Variants in EMC2 observed in about 807,000 individuals in gnomAD.
The protein encoded by EMC2 is TPR repeat protein 35.
A neutral mutation model predicts 51.6 loss-of-function variants in EMC2; 37 were observed. The ratio of observed to expected loss-of-function variants is 0.72; its 90% CI spans 0.55 to 0.94. EMC2 has a LOEUF of 0.94. Ranked by LOEUF, EMC2 falls within the 40% of genes least tolerant of loss-of-function variation. The pLI, the probability that EMC2 is intolerant of heterozygous loss-of-function variation, is 0.00. For synonymous variants in EMC2, 131 were observed against 112.4 expected (o/e 1.17, Z -1.04); for missense variants, 359 against 350.9 (o/e 1.02, Z -0.18).
chr8:108,469,729 C>T, intron 5 of EMC2, 97 bp from the exon 6 acceptor site: 1 of 967,480 alleles, frequency 1.0e-6, no homozygotes, highest in Admixed American at 2.0e-5. Context: ...TGGAATTTCT[C>T]TGGCATTGAG....
chr8:108,463,818 C>T (rs1163478093), intron 5 of EMC2, among the ~76,000 whole-genome samples: 1 of 151,844 alleles, frequency 6.6e-6, no homozygotes, highest in East Asian at 1.9e-4. Context: ...AAAAGTCTGA[C>T]CAGCTAAATC....
intron 10 of EMC2, among the ~76,000 whole-genome samples, chr8:108,482,171 C>G (rs1190104268): frequency 6.6e-6 from 1 of 152,128 alleles, no homozygotes; most frequent in Non-Finnish European, 1.5e-5. Context: ...TTCTGTCAGT[C>G]TTTGTAATTA....
chr8:108,452,681 A>T (rs189283366), intron 3 of EMC2, among the ~76,000 whole-genome samples: 17 of 152,352 alleles, frequency 1.1e-4, no homozygotes, highest in Admixed American at 9.1e-4. Context: ...CTTAGTTCTT[A>T]CCAGGAGAAT....
In EMC2 at chr8:108,487,532, TAGA is replaced by T. The variant is rs1811165182; in HGVS notation, c.*938_*940del. ...CAGTATTTGACATGTTTCAACAAAA[TAGA>T]AGAGACTTGAAAGTTAAATTTCATT... On this transcript the variant is annotated 3_prime_UTR_variant, in exon 11 of 11. Transcript: ENST00000220853. Among the ~76,000 whole-genome samples the T allele has an allele frequency of 6.6e-6, 1 of 152,012 alleles. No individual in the cohort carries two copies. Among genetic ancestry groups the T allele is most frequent in the Admixed American group, 6.6e-5 (1 of 15,256 alleles).
chr8:108,448,391 A>T (rs1335561054), intron 1 of EMC2, among the ~76,000 whole-genome samples: 1 of 152,024 alleles, frequency 6.6e-6, no homozygotes, highest in Non-Finnish European at 1.5e-5. Context: ...CCCCACCCAA[A>T]TCTCATCTTG....
rs555367197 is a variant in EMC2, at chr8:108,468,700, A to G, written c.364-1126A>G. ...TTCTGTCTGCATCTTGTGGAATATT[A>G]TATCAACAATAAGAAATTTTATTCA... On this transcript the variant is annotated intron_variant, in intron 5 of 10. Transcript: ENST00000220853. 5.3e-5 allele frequency among the ~76,000 whole-genome samples: 8 copies of G among 152,328 alleles called. No homozygotes were observed. The South Asian group carries it at 1.2e-3, about 24-fold the overall frequency.
intron 7 of EMC2, among the ~76,000 whole-genome samples, chr8:108,472,208 T>C (rs1458224376): frequency 1.3e-5 from 2 of 151,994 alleles, no homozygotes. Flanking sequence ...GCAATTTTAT[T>C]TTTTTGCATG....
Position 108,475,864 on chromosome 8 carries a change from C to T in EMC2, c.510-18C>T. ...TTGTGACTTTAAAAATTAATTTCTC[C>T]TCTTGATGTGTTTTTAGCTATGCAA... On this transcript the variant is annotated intron_variant, in intron 7 of 10. Transcript: ENST00000220853. The T allele has an allele frequency of 6.9e-7, 1 of 1,458,664 alleles. No individual in the cohort carries two copies. Among genetic ancestry groups the T allele is most frequent in the Non-Finnish European group, 9.4e-7 (1 of 1,060,646 alleles). The allele number at this position is 1,458,664 out of a possible 1,614,324, so 90.4% of individuals were successfully genotyped here.
In EMC2 at chr8:108,488,739, T is replaced by C. The variant is rs1337803406; in HGVS notation, c.*2141T>C. ...TTGATCTGAAACAGAAGTGGTAGTT[T>C]AATTCTGTATAGTCTGATTAGTACG... On this transcript the variant is annotated 3_prime_UTR_variant, in exon 11 of 11. Coordinates refer to ENST00000220853, the MANE Select transcript of EMC2 (RefSeq NM_014673.5). Among the ~76,000 whole-genome samples, 1 of 152,180 alleles carries C rather than the reference T, an allele frequency of 6.6e-6. No homozygotes were observed. The highest frequency in any genetic ancestry group is 1.9e-4 in the East Asian group (1 of 5,188).
intron 10 of EMC2, among the ~76,000 whole-genome samples, chr8:108,481,438 T>G (rs1291618079): frequency 1.3e-5 from 2 of 151,652 alleles, no homozygotes; most frequent in South Asian, 2.1e-4. Context: ...GGCTTGGGGG[T>G]GTGTGGGTGT....
At chr8:108,478,982 T>A (rs1196019486) in intron 9 of EMC2, 24 bp from the exon 10 acceptor site, 2 of 1,456,348 alleles carry the variant, frequency 1.4e-6, no homozygotes, top group African/African-American at 2.9e-5. Context: ...GAATTTTGCT[T>A]TTGATGTTTT....
intron 5 of EMC2, among the ~76,000 whole-genome samples, chr8:108,462,391 C>CT (rs1819351838): frequency 6.6e-6 from 1 of 152,114 alleles, no homozygotes; most frequent in Admixed American, 6.5e-5. Context: ...GAAAAAGTTT[C>CT]TTTAAGTCCC....
At chr8:108,456,359 A>AAC (rs1819158302) in intron 5 of EMC2, among the ~76,000 whole-genome samples, 8 of 150,042 alleles carry the variant, frequency 5.3e-5, no homozygotes, top group African/African-American at 2.0e-4. Context: ...AAAAAAAAAA[A>AAC]AACAACTTCT....
chr8:108,455,734 G>T (rs768491637), intron 4 of EMC2, 139 bp from the exon 5 acceptor site: 2 of 364,952 alleles, frequency 5.5e-6, no homozygotes, highest in Non-Finnish European at 5.0e-6. Flanking sequence ...CTTCGGTAAC[G>T]ATTATAAATG....
chr8:108,453,690 A>G (rs1819086158), intron 4 of EMC2, among the ~76,000 whole-genome samples: 1 of 151,938 alleles, frequency 6.6e-6, no homozygotes, highest in Non-Finnish European at 1.5e-5. Flanking sequence ...CTTTCAGACT[A>G]TTTTTCTTTT....
intron 5 of EMC2, among the ~76,000 whole-genome samples, chr8:108,462,827 C>T (rs754413968): frequency 6.6e-6 from 1 of 151,806 alleles, no homozygotes; most frequent in Non-Finnish European, 1.5e-5. Context: ...AGCTCTGTGC[C>T]GGGATTACAG....
chr8:108,472,774 A>G (rs1036324413), intron 7 of EMC2, among the ~76,000 whole-genome samples: 6 of 152,088 alleles, frequency 3.9e-5, no homozygotes, highest in African/African-American at 1.2e-4. Flanking sequence ...AGCAGTTTCG[A>G]AAATGTCAGA....
chr8:108,444,235 GTC>G (rs545209694), intron 1 of EMC2, among the ~76,000 whole-genome samples: 2 of 152,078 alleles, frequency 1.3e-5, no homozygotes, highest in Non-Finnish European at 2.9e-5. Context: ...TTTTAGTCTA[GTC>G]TCTGTCCCAC....
intron 5 of EMC2, among the ~76,000 whole-genome samples, chr8:108,463,770 A>G (rs927014264): frequency 6.6e-6 from 1 of 152,196 alleles, no homozygotes; most frequent in African/African-American, 2.4e-5. Context: ...TCTTCAGAAC[A>G]GTCACAACAC....
Sources: allele counts gnomAD v4.1 joint callset (sites outside exome capture counted in the v4.1 genomes callset), GRCh38; gene constraint gnomAD v4.1.1; transcripts MANE v1.5; gene names NCBI Gene and HGNC (gene_info 2026-07-23, HGNC 2026-07-21).